Variants in SASH1 observed in about 807,000 individuals in gnomAD.
SASH1 encodes SAM and SH3 domain-containing protein 1.
In SASH1, 44 loss-of-function variants were observed where a neutral mutation model predicts 125.2. The observed-to-expected ratio is 0.35, with a 90% confidence interval of 0.28 to 0.45. SASH1 has a LOEUF of 0.45. Ranked by LOEUF, SASH1 falls within the 20% of genes least tolerant of loss-of-function variation. The probability of loss-of-function intolerance (pLI) is 1.00; values close to 1 mark genes in which losing one functional copy is unlikely to be tolerated. For synonymous variants in SASH1, 639 were observed against 649.1 expected, an observed-to-expected ratio of 0.98 and a Z score of 0.24; for missense variants, 1,426 against 1,614.5, an observed-to-expected ratio of 0.88 and a Z score of 2.00.
At chr6:148,435,631 C>A (rs1422099828) in intron 2 of SASH1, among the ~76,000 whole-genome samples, 1 of 152,044 alleles carries the variant, frequency 6.6e-6, no homozygotes, top group Non-Finnish European at 1.5e-5. Flanking sequence ...AGTTAAGGAA[C>A]TCTGATAGCT....
chr6:148,336,176 C>CTTTTTTTTT (rs61290611), intron 1 of SASH1, among the ~76,000 whole-genome samples: 4 of 70,762 alleles, frequency 5.7e-5, no homozygotes, highest in Admixed American at 1.9e-4. Flanking sequence ...AAACTGCATC[C>CTTTTTTTTT]TTTTTTTTTT....
At chr6:148,378,979 G>A (rs1196618286) in intron 1 of SASH1, among the ~76,000 whole-genome samples, 1 of 152,200 alleles carries the variant, frequency 6.6e-6, no homozygotes, top group Admixed American at 6.5e-5. Context: ...GCTGGTGAGG[G>A]ACAAGGCACT....
chr6:148,258,282 A>G, the SASH1 span, among the ~76,000 whole-genome samples: 1 of 152,216 alleles, frequency 6.6e-6, no homozygotes, highest in Non-Finnish European at 1.5e-5. Context: ...CAAAACTAGC[A>G]AACTAAAGAA....
chr6:148,321,259 C>T (rs903199135), intron 1 of SASH1, among the ~76,000 whole-genome samples: 3 of 151,920 alleles, frequency 2.0e-5, no homozygotes, highest in African/African-American at 4.8e-5. Context: ...GGCGTGGTGG[C>T]GCATGCCTGT....
At chr6:148,483,153 G>A (rs182505952) in intron 7 of SASH1, among the ~76,000 whole-genome samples, 363 of 152,230 alleles carry the variant, frequency 2.4e-3, no homozygotes, top group Middle Eastern at 6.8e-3. Context: ...TTCTACTGCC[G>A]AGAGATTGGT....
intron 6 of SASH1, among the ~76,000 whole-genome samples, chr6:148,473,800 G>A (rs138891723): frequency 0.027 from 4,130 of 152,200 alleles, 70 homozygotes; most frequent in Non-Finnish European, 0.044. Flanking sequence ...CTATAGCGAG[G>A]ATCTCTCTCT....
intron 4 of SASH1, among the ~76,000 whole-genome samples, chr6:148,442,881 C>G (rs1342684133): frequency 6.6e-6 from 1 of 152,012 alleles, no homozygotes; most frequent in Non-Finnish European, 1.5e-5. Flanking sequence ...TCAAGCTATT[C>G]TCCTGCCTTA....
intron 1 of SASH1, among the ~76,000 whole-genome samples, chr6:148,284,751 G>C (rs1277760380): frequency 6.6e-6 from 1 of 152,100 alleles, no homozygotes; most frequent in African/African-American, 2.4e-5. Context: ...ATTCTTCTTT[G>C]TTGGACTTTT....
In SASH1 at chr6:148,449,078, C is replaced by CTTTTTTTTTTTTTTTTTTTTTTTTTTTTT; in HGVS notation, c.386+8686_386+8687insTTTTTTTTTTTTTTTTTTTTTTTTTTTTT. ...GAGACTGGCTAATTTCATTTCATTT[C>CTTTTTTTTTTTTTTTTTTTTTTTTTTTTT]TTTTTTTTTTTTTTTGGAGACAGAG... is the stretch of plus-strand genomic sequence containing the variant. On this transcript the variant is annotated intron_variant, in intron 4 of 19. Transcript: ENST00000367467. Among the ~76,000 whole-genome samples the CTTTTTTTTTTTTTTTTTTTTTTTTTTTTT allele has an allele frequency of 7.6e-4, 67 of 88,684 alleles. 2 individuals are homozygous for CTTTTTTTTTTTTTTTTTTTTTTTTTTTTT. Among genetic ancestry groups the CTTTTTTTTTTTTTTTTTTTTTTTTTTTTT allele is most frequent in the East Asian group, 1.5e-3 (5 of 3,440 alleles). 58.2% of individuals were successfully genotyped at this position (88,684 alleles called of 152,430 possible).
chr6:148,431,204 A>ATT (rs1170801982), intron 2 of SASH1, among the ~76,000 whole-genome samples: 18 of 145,488 alleles, frequency 1.2e-4, no homozygotes, highest in African/African-American at 3.8e-4. Context: ...AAGACAATAG[A>ATT]TTTTTTTTTT....
the SASH1 span, among the ~76,000 whole-genome samples, chr6:148,233,742 C>CAAAAAAAAAAAAAAAAAA: frequency 3.6e-3 from 220 of 60,512 alleles, 24 homozygotes; most frequent in African/African-American, 0.012. Context: ...TTCCTCTCTA[C>CAAAAAAAAAAAAAAAAAA]AAAAAAAAAA....
chr6:148,288,154 C>G (rs1779535137), intron 1 of SASH1, among the ~76,000 whole-genome samples: 1 of 143,812 alleles, frequency 7.0e-6, no homozygotes, highest in South Asian at 2.2e-4. Flanking sequence ...CCCGCGGGCC[C>G]CAGCTGTCAG....
chr6:148,232,261 G>A, the SASH1 span, among the ~76,000 whole-genome samples: 1 of 152,174 alleles, frequency 6.6e-6, no homozygotes, highest in Non-Finnish European at 1.5e-5. Flanking sequence ...ATAAGTAGGA[G>A]AGAAGGGAGG....
intron 2 of SASH1, among the ~76,000 whole-genome samples, chr6:148,414,662 T>TTTTTTTA (rs1283082289): frequency 2.0e-5 from 3 of 152,034 alleles, no homozygotes; most frequent in African/African-American, 7.3e-5. Context: ...TTACATTCTT[T>TTTTTTTA]TTTTTTATTT....
chr6:148,528,668 GGTGAA>G (rs1781335671), intron 12 of SASH1, among the ~76,000 whole-genome samples: 1 of 152,146 alleles, frequency 6.6e-6, no homozygotes, highest in African/African-American at 2.4e-5. Flanking sequence ...ACTGGGTTGA[GGTGAA>G]GTGGAGTGGA....
intron 1 of SASH1, among the ~76,000 whole-genome samples, chr6:148,326,359 C>CATATATAT (rs1212032481): frequency 1.7e-3 from 25 of 14,550 alleles, no homozygotes; most frequent in East Asian, 9.1e-3. Context: ...TATATATATG[C>CATATATAT]ATATATATAT....
At chr6:148,444,329 C>T (rs999587475) in intron 4 of SASH1, among the ~76,000 whole-genome samples, 1 of 152,232 alleles carries the variant, frequency 6.6e-6, no homozygotes, top group African/African-American at 2.4e-5. Flanking sequence ...TCTCAAGTCA[C>T]AGGAAGTTAG....
chr6:148,398,168 G>GTTCT (rs545589855), intron 2 of SASH1, among the ~76,000 whole-genome samples: 138 of 152,318 alleles, frequency 9.1e-4, no homozygotes, highest in African/African-American at 2.9e-3. Context: ...GAGGCAGGCT[G>GTTCT]TTCTTTCACA....
intron 19 of SASH1, among the ~76,000 whole-genome samples, chr6:148,546,901 A>G (rs1782605027): frequency 6.6e-6 from 1 of 152,038 alleles, no homozygotes; most frequent in African/African-American, 2.4e-5. Context: ...AAAAAAATTG[A>G]TATCATCAAT....
Sources: gnomAD v4.1 joint callset for allele counts (sites outside exome capture counted in the v4.1 genomes callset) on GRCh38, gnomAD v4.1.1 for gene constraint, MANE v1.5 for transcripts, NCBI Gene and HGNC (gene_info 2026-07-23, HGNC 2026-07-21) for gene names.